The following RUNX1 variants were observed in gnomAD, a reference collection of about 807,000 sequenced individuals.
RUNX1 encodes RUNX family transcription factor 1.
In RUNX1, 19 loss-of-function variants were observed where a neutral mutation model predicts 42.8. The ratio of observed to expected loss-of-function variants is 0.44; its 90% CI spans 0.31 to 0.65. The LOEUF (loss-of-function observed/expected upper bound fraction) is 0.65. Among genes scored for constraint, RUNX1 ranks in the 30% least tolerant of loss-of-function variants. RUNX1 has a pLI of 0.07. For synonymous variants in RUNX1, 271 were observed against 289.4 expected (o/e 0.94, Z 0.64); for missense variants, 528 against 672.0 (o/e 0.79, Z 2.37).
At chr21:34,988,519 C>T (rs118131631) in intron 2 of RUNX1, among the ~76,000 whole-genome samples, 5,320 of 152,214 alleles carry the variant, frequency 0.035, 122 homozygotes, top group Middle Eastern at 0.071. Context: ...GTGCTGTGGG[C>T]ACTCGCCTCG....
chr21:34,848,061 T>C (rs191158320), intron 6 of RUNX1, among the ~76,000 whole-genome samples: 6 of 152,338 alleles, frequency 3.9e-5, no homozygotes, highest in Admixed American at 2.6e-4. Context: ...GCTTTAATAA[T>C]AGCAGCTAAT....
intron 2 of RUNX1, among the ~76,000 whole-genome samples, chr21:34,998,666 C>T (rs560137499): frequency 1.3e-3 from 191 of 152,158 alleles, no homozygotes; most frequent in African/African-American, 4.4e-3. Context: ...CTCAGCCTCC[C>T]GAGTAGCTGG....
At chr21:34,862,561 C>T (rs545290657) in intron 5 of RUNX1, among the ~76,000 whole-genome samples, 26 of 152,292 alleles carry the variant, frequency 1.7e-4, no homozygotes, top group African/African-American at 5.8e-4. Context: ...GCCTCTTTCT[C>T]GCTTCGGATG....
intron 2 of RUNX1, among the ~76,000 whole-genome samples, chr21:34,990,040 C>A (rs2058924356): frequency 1.3e-5 from 2 of 152,154 alleles, no homozygotes. Context: ...TCTCACCTCC[C>A]ACTCTGAGCT....
At chr21:35,010,339 C>CT (rs980747389) in intron 2 of RUNX1, among the ~76,000 whole-genome samples, 11 of 151,914 alleles carry the variant, frequency 7.2e-5, no homozygotes, top group African/African-American at 2.2e-4. Context: ...AATTACACTC[C>CT]TTTTTTTAAA....
intron 2 of RUNX1, among the ~76,000 whole-genome samples, chr21:35,044,829 T>G (rs893664035): frequency 2.0e-5 from 3 of 152,244 alleles, no homozygotes; most frequent in Non-Finnish European, 2.9e-5. Flanking sequence ...TTTGAGAGAA[T>G]GTAGGAACGT....
chr21:34,972,790 G>T (rs1249174198), intron 2 of RUNX1, among the ~76,000 whole-genome samples: 1 of 152,126 alleles, frequency 6.6e-6, no homozygotes, highest in Non-Finnish European at 1.5e-5. Flanking sequence ...CATTTGGCAG[G>T]CATCTTCTTT....
At chr21:34,920,688 T>C (rs2058347128) in intron 2 of RUNX1, among the ~76,000 whole-genome samples, 1 of 152,122 alleles carries the variant, frequency 6.6e-6, no homozygotes, top group Admixed American at 6.5e-5. Flanking sequence ...TGATGTGATA[T>C]GTTGAGAAGT....
intron 2 of RUNX1, among the ~76,000 whole-genome samples, chr21:34,951,596 A>AGAC (rs372358359): frequency 0.053 from 8,105 of 152,194 alleles, 692 homozygotes; most frequent in African/African-American, 0.18. Context: ...TCCCAAAAGA[A>AGAC]ATTTATGCAG....
Position 34,901,059 on chromosome 21 carries a change from G to T in RUNX1, c.59-8096C>A, listed in dbSNP as rs887524740. Among the ~76,000 whole-genome samples the T allele has an allele frequency of 6.6e-6, 1 of 152,138 alleles. No homozygotes were observed. Among genetic ancestry groups the T allele is most frequent in the African/African-American group, 2.4e-5 (1 of 41,412 alleles). ...TCAGTGAGGGAGCTACTGGTCTAAT[G>T]GTCTAAGCTATGGAATCCATCCTCA... On this transcript the variant is annotated intron_variant, in intron 2 of 8. Transcript: ENST00000675419. This position sits in a 1 kb window ranked among gnomAD's most constrained non-coding sequence, Gnocchi z 4.3.
rs947900266 is a variant in RUNX1, at chr21:34,852,146, C to T, written c.613+7328G>A. 1.1e-4 allele frequency among the ~76,000 whole-genome samples: 16 copies of T among 152,000 alleles called. No homozygotes were observed. The South Asian group carries it at 1.2e-3, about 12-fold the overall frequency. ...TGGCGCCACTGCACTCCAGCCTGGG[C>T]GAAAGAGCAAGACTCTGTCTCAAAA... On this transcript the variant is annotated intron_variant, in intron 6 of 8. Transcript: ENST00000675419.
At chr21:34,984,177 C>G (rs922502876) in intron 2 of RUNX1, among the ~76,000 whole-genome samples, 1 of 151,694 alleles carries the variant, frequency 6.6e-6, no homozygotes, top group African/African-American at 2.4e-5. Flanking sequence ...GGGACAGGGT[C>G]TAGGATGTAT....
intron 2 of RUNX1, among the ~76,000 whole-genome samples, chr21:34,995,302 T>C (rs144718663): frequency 1.1e-3 from 170 of 152,164 alleles, no homozygotes; most frequent in Non-Finnish European, 2.1e-3. Context: ...AATTTCTCAC[T>C]GGTTTTGGTA....
chr21:34,810,153 T>A (rs1328757945), intron 7 of RUNX1, among the ~76,000 whole-genome samples: 1 of 152,258 alleles, frequency 6.6e-6, no homozygotes. Context: ...GGTTTCTCAG[T>A]GGGCATTCTC....
rs142704914 is a variant in RUNX1 at position 34,951,771 on chromosome 21, T to C, written c.59-58808A>G. Among the ~76,000 whole-genome samples, 376 of 152,304 alleles carry C rather than the reference T, an allele frequency of 2.5e-3. 3 individuals carry two copies. The highest frequency in any genetic ancestry group is 8.8e-3 in the African/African-American group (365 of 41,544). On this transcript the variant is annotated intron_variant, in intron 2 of 8. Transcript: ENST00000675419. ...TGGAGAAATAGGAAAGCTTTTACAC[T>C]GTTGGTGGGAATGTAAATTAGTTAA... is the stretch of plus-strand genomic sequence containing the variant.
intron 2 of RUNX1, among the ~76,000 whole-genome samples, chr21:35,013,561 A>T (rs2059140220): frequency 6.6e-6 from 1 of 152,206 alleles, no homozygotes; most frequent in South Asian, 2.1e-4. Flanking sequence ...AAAATAATAA[A>T]ACAAAGTGGA....
At chr21:35,010,625 GCA>G (rs113068635) in intron 2 of RUNX1, among the ~76,000 whole-genome samples, 7,073 of 142,824 alleles carry the variant, frequency 0.05, 401 homozygotes, top group African/African-American at 0.14. Flanking sequence ...ACACACACAC[GCA>G]CACACACACA....
chr21:34,935,490 C>T (rs1465247149), intron 2 of RUNX1, among the ~76,000 whole-genome samples: 2 of 152,072 alleles, frequency 1.3e-5, no homozygotes, highest in Non-Finnish European at 2.9e-5. Context: ...ACAAAACTCT[C>T]GGGTTCAGGA....
At chr21:34,924,462 G>A (rs1204271659) in intron 2 of RUNX1, among the ~76,000 whole-genome samples, 1 of 152,222 alleles carries the variant, frequency 6.6e-6, no homozygotes, top group South Asian at 2.1e-4. Flanking sequence ...TTAAAGGACA[G>A]TAGGAAATTG....
Sources: allele counts gnomAD v4.1 joint callset (sites outside exome capture counted in the v4.1 genomes callset), GRCh38; gene constraint gnomAD v4.1.1; non-coding constraint Gnocchi (gnomAD v3.1); transcripts MANE v1.5; gene names NCBI Gene and HGNC (gene_info 2026-07-23, HGNC 2026-07-21).